Variants in DLGAP2 observed in about 807,000 individuals in gnomAD.
DLGAP2 encodes the protein disks large-associated protein 2.
In DLGAP2, 26 loss-of-function variants were observed where a neutral mutation model predicts 100.3. The observed-to-expected ratio is 0.26, with a 90% CI of 0.19 to 0.36. The LOEUF (loss-of-function observed/expected upper bound fraction) is 0.36. Among genes scored for constraint, DLGAP2 ranks in the 10% least tolerant of loss-of-function variants. DLGAP2 has a pLI of 1.00. For synonymous variants in DLGAP2, 886 were observed against 630.1 expected (o/e 1.41, Z -6.08); for missense variants, 1,858 against 1,453.2 (o/e 1.28, Z -4.53).
intron 2 of DLGAP2, among the ~76,000 whole-genome samples, chr8:1,188,870 A>G (rs551582857): frequency 6.6e-6 from 1 of 152,358 alleles, no homozygotes; most frequent in South Asian, 2.1e-4. Flanking sequence ...AAGTTAAAAA[A>G]GCACCTCCAA....
chr8:1,555,728 C>G (rs1292297067), intron 5 of DLGAP2, among the ~76,000 whole-genome samples: 3 of 152,234 alleles, frequency 2.0e-5, no homozygotes, highest in Non-Finnish European at 4.4e-5. Flanking sequence ...AGGGAGATCG[C>G]TGGGCTGTGT....
At chr8:1,289,200 G>A (rs1002997473) in intron 3 of DLGAP2, among the ~76,000 whole-genome samples, 1 of 152,174 alleles carries the variant, frequency 6.6e-6, no homozygotes, top group Non-Finnish European at 1.5e-5. Context: ...AGTATTGGGA[G>A]TGAAGGATTC....
chr8:1,062,111 A>G (rs1433210507), intron 2 of DLGAP2, among the ~76,000 whole-genome samples: 2 of 151,686 alleles, frequency 1.3e-5, no homozygotes, highest in Admixed American at 6.6e-5. Context: ...AGAGCCGTGC[A>G]TGGTAATTAA....
intron 1 of DLGAP2, among the ~76,000 whole-genome samples, chr8:864,874 A>G (rs1439395308): frequency 6.6e-6 from 1 of 152,202 alleles, no homozygotes; most frequent in East Asian, 1.9e-4. Context: ...GTCATTGATA[A>G]TTATAAGACA....
chr8:1,458,220 T>C (rs1260445378), intron 3 of DLGAP2, among the ~76,000 whole-genome samples: 1 of 151,886 alleles, frequency 6.6e-6, no homozygotes, highest in African/African-American at 2.4e-5. Context: ...TTGTCTGATC[T>C]TAATAAGATC....
intron 2 of DLGAP2, among the ~76,000 whole-genome samples, chr8:1,181,342 T>C (rs556617922): frequency 6.6e-6 from 1 of 152,244 alleles, no homozygotes; most frequent in Non-Finnish European, 1.5e-5. Flanking sequence ...GTGCACTGTT[T>C]GATCTTTAAC....
intron 1 of DLGAP2, among the ~76,000 whole-genome samples, chr8:839,990 T>C (rs1796951925): frequency 2.0e-5 from 3 of 149,846 alleles, no homozygotes; most frequent in Non-Finnish European, 3.0e-5. Context: ...GTCCACACGG[T>C]GCACGCCTGC....
At chr8:1,682,216 C>T (rs1798969419) in intron 12 of DLGAP2, among the ~76,000 whole-genome samples, 1 of 152,142 alleles carries the variant, frequency 6.6e-6, no homozygotes, top group Admixed American at 6.5e-5. Flanking sequence ...AAGACAGAGG[C>T]CAAGGTTCTC....
intron 2 of DLGAP2, among the ~76,000 whole-genome samples, chr8:1,105,324 G>A (rs1461588169): frequency 6.6e-6 from 1 of 152,250 alleles, no homozygotes; most frequent in Non-Finnish European, 1.5e-5. Flanking sequence ...CTGTGGAACT[G>A]TAGGGGTCTC....
rs78856301 is a variant in DLGAP2 at position 877,633 on chromosome 8, T to A, written c.19-30279T>A. Among the ~76,000 whole-genome samples the A allele has an allele frequency of 7.9e-3, 1,205 of 152,320 alleles. 14 individuals carry two copies. Among genetic ancestry groups the A allele is most frequent in the African/African-American group, 0.027 (1,132 of 41,568 alleles). On this transcript the variant is annotated intron_variant, in intron 1 of 14. Transcript: ENST00000637795. Reference sequence around the variant, plus strand: ...GATACTTGCTTTGACACAAGAAGGATCCTCCCAGCTGTCTTATTCCCTAGT... The same window carrying A: ...GATACTTGCTTTGACACAAGAAGGAACCTCCCAGCTGTCTTATTCCCTAGT...
intron 2 of DLGAP2, among the ~76,000 whole-genome samples, chr8:1,163,622 A>C (rs774042081): frequency 6.6e-6 from 1 of 152,220 alleles, no homozygotes; most frequent in African/African-American, 2.4e-5. Flanking sequence ...CCGGAAGCGC[A>C]GGGCCCGGGA....
rs148290654 is a variant in DLGAP2 at position 1,212,030 on chromosome 8, C to T, written c.74-46821C>T. ...TCTTGGTCCTTCACCTGATTCACAG[C>T]GCTAAAGCCTAGAGCAGAGTGGGCA... On this transcript the variant is annotated intron_variant, in intron 2 of 14. Coordinates refer to ENST00000637795, the MANE Select transcript of DLGAP2 (RefSeq NM_001346810.2). 6.8e-3 allele frequency among the ~76,000 whole-genome samples: 1,030 copies of T among 152,324 alleles called. 9 individuals carry two copies. Among genetic ancestry groups the T allele is most frequent in the Middle Eastern group, 0.02 (6 of 294 alleles).
intron 3 of DLGAP2, among the ~76,000 whole-genome samples, chr8:1,496,526 T>C (rs1169864718): frequency 6.6e-6 from 1 of 152,064 alleles, no homozygotes; most frequent in Non-Finnish European, 1.5e-5. Context: ...TTCCAGGAAG[T>C]GTGAGCAGCT....
At chr8:1,188,262 C>T (rs541574913) in intron 2 of DLGAP2, among the ~76,000 whole-genome samples, 3 of 133,628 alleles carry the variant, frequency 2.2e-5, no homozygotes, top group African/African-American at 6.0e-5. Flanking sequence ...GAATCTCACA[C>T]GCCCGGGACC....
chr8:987,106 T>G (rs1051393213), intron 2 of DLGAP2, among the ~76,000 whole-genome samples: 1 of 152,182 alleles, frequency 6.6e-6, no homozygotes, highest in African/African-American at 2.4e-5. Flanking sequence ...TTCCTATACT[T>G]CTTTGGGCAT....
chr8:1,443,263 A>T (rs1164880622), intron 3 of DLGAP2, among the ~76,000 whole-genome samples: 1 of 151,430 alleles, frequency 6.6e-6, no homozygotes, highest in Non-Finnish European at 1.5e-5. Context: ...TAACATTTGG[A>T]TGTTAATACT....
intron 3 of DLGAP2, among the ~76,000 whole-genome samples, chr8:1,408,675 C>A (rs537487396): frequency 6.6e-6 from 1 of 152,256 alleles, no homozygotes; most frequent in African/African-American, 2.4e-5. Context: ...TTGAGGCCTT[C>A]TAGCAAGTCC....
rs950378234 is a variant in DLGAP2 at position 1,131,929 on chromosome 8, A to G, written c.74-126922A>G. 3.9e-5 allele frequency among the ~76,000 whole-genome samples: 6 copies of G among 152,328 alleles called. No homozygotes were observed. In the East Asian group the frequency reaches 1.2e-3, roughly 29 times the overall value. On this transcript the variant is annotated intron_variant, in intron 2 of 14. Transcript: ENST00000637795. ...CAGATACCTTAATTAGAATGTTTGT[A>G]TCTTCATAAGTGTGACTGTTATGAA...
Position 1,701,455 on chromosome 8 carries a change from T to A in DLGAP2, c.*49T>A. 1 of 1,527,378 alleles carries A rather than the reference T, an allele frequency of 6.5e-7. No individual in the cohort carries two copies. The highest frequency in any genetic ancestry group is 8.8e-7 in the Non-Finnish European group (1 of 1,134,980). 94.6% of individuals were successfully genotyped at this position (1,527,378 alleles called of 1,614,324 possible). A position where few individuals can be genotyped will look rare whatever the true frequency, so the allele number is the denominator to read the frequency against. On this transcript the variant is annotated 3_prime_UTR_variant, in exon 15 of 15. Transcript: ENST00000637795. ...TCGTCGCTTCCGCTTTCCCGGACGC[T>A]TGTGCAGCGCGGCGCCGCCCTGGTG...
Sources: gnomAD v4.1 joint callset for allele counts (sites outside exome capture counted in the v4.1 genomes callset) on GRCh38, gnomAD v4.1.1 for gene constraint, MANE v1.5 for transcripts, NCBI Gene and HGNC (gene_info 2026-07-23, HGNC 2026-07-21) for gene names.